ESRRG: variants seen among roughly 807,000 people sequenced by gnomAD.
ESRRG encodes estrogen-related receptor gamma.
A neutral mutation model predicts 44.0 loss-of-function variants in ESRRG; 13 were observed. The observed-to-expected ratio is 0.30, with a 90% CI of 0.19 to 0.47. ESRRG has a LOEUF of 0.47. Ranked by LOEUF, ESRRG falls within the 20% of genes least tolerant of loss-of-function variation. ESRRG has a pLI of 1.00. For missense variants in ESRRG, 395 were observed against 580.6 expected (o/e 0.68, Z 3.29); for synonymous variants, 215 against 214.6 (o/e 1.00, Z -0.02).
chr1:217,053,133 T>C (rs1271547811), intron 1 of ESRRG, among the ~76,000 whole-genome samples: 1 of 119,054 alleles, frequency 8.4e-6, no homozygotes, highest in Non-Finnish European at 1.7e-5. Flanking sequence ...AATCCCATCT[T>C]AAAAAAAAAA....
intron 1 of ESRRG, chr1:216,701,460 T>C (rs2081376713): frequency 1.3e-5 from 2 of 152,232 alleles, no homozygotes; most frequent in Admixed American, 1.3e-4. Context: ...CTGCTCCTTC[T>C]GTTTGCATTC....
At chr1:217,015,984 G>C (rs922427548) in intron 1 of ESRRG, among the ~76,000 whole-genome samples, 1 of 152,070 alleles carries the variant, frequency 6.6e-6, no homozygotes, top group Non-Finnish European at 1.5e-5. Flanking sequence ...AGGGCGGCTA[G>C]ATTTAAAGTG....
At chr1:216,789,450 C>T (rs775341888) in intron 2 of ESRRG, among the ~76,000 whole-genome samples, 36 of 152,076 alleles carry the variant, frequency 2.4e-4, no homozygotes, top group Non-Finnish European at 5.9e-5. Context: ...GGCATTAATG[C>T]TATTGCAGCA....
chr1:216,677,176 G>A lies in ESRRG; in HGVS notation c.372C>T (p.Pro124=), dbSNP rs757144726. The change falls in exon 2 of 7, where the codon CCC becomes CCT. Residue 124 remains proline (P), a synonymous_variant. Coordinates refer to ENST00000408911, the MANE Select transcript of ESRRG (RefSeq NM_001438.4). The part of the protein sequence containing the change: ...TKCEYMLNSM[P]KRLCLVCGDI... ...CACCACACACTAAACACAGTCTCTT[G>A]GGCATCGAGTTGAGCATGTATTCAC... 6.8e-6 allele frequency: 11 copies of A among 1,614,064 alleles called. No individual in the cohort carries two copies. Among genetic ancestry groups the A allele is most frequent in the Admixed American group, 1.7e-5 (1 of 60,022 alleles).
chr1:216,519,826 AAAG>A (rs749222424), intron 5 of ESRRG, among the ~76,000 whole-genome samples: 5 of 151,218 alleles, frequency 3.3e-5, no homozygotes, highest in Admixed American at 6.6e-5. Flanking sequence ...AAAAAAAAAA[AAAG>A]AAGAAGAAGG....
At chr1:216,578,131 TC>T (rs2062030084) in intron 3 of ESRRG, among the ~76,000 whole-genome samples, 1 of 152,114 alleles carries the variant, frequency 6.6e-6, no homozygotes, top group Non-Finnish European at 1.5e-5. Context: ...TGGTATATGT[TC>T]CCAGGTCATG....
intron 5 of ESRRG, among the ~76,000 whole-genome samples, chr1:216,563,685 C>G (rs2059181784): frequency 6.6e-6 from 1 of 151,910 alleles, no homozygotes; most frequent in African/African-American, 2.4e-5. Flanking sequence ...TTTAAATTAC[C>G]ATATAGGAAA....
chr1:216,658,167 C>T (rs1485782379), intron 2 of ESRRG, among the ~76,000 whole-genome samples: 1 of 152,162 alleles, frequency 6.6e-6, no homozygotes, highest in Non-Finnish European at 1.5e-5. Flanking sequence ...TGTGCCAGTA[C>T]TGGCCACCTC....
At position 217,104,634 on chromosome 1, in the gene ESRRG, C is replaced by G. The variant is rs114538853; in HGVS notation, c.-230+33033G>C. 6.6e-3 allele frequency among the ~76,000 whole-genome samples: 998 copies of G among 152,070 alleles called. 8 individuals are homozygous for G. The highest frequency in any genetic ancestry group is 0.023 in the African/African-American group (943 of 41,460). On this transcript the variant is annotated intron_variant, in intron 1 of 8. Coordinates refer to the ESRRG transcript ENST00000366940. Reference sequence around the variant, plus strand: ...ATCCTCATCTTATCAGTTGACTGGTCCCCAAGCAAGGTCTTGAAGTCACAG... The same window carrying G: ...ATCCTCATCTTATCAGTTGACTGGTGCCCAAGCAAGGTCTTGAAGTCACAG...
Position 217,003,883 on chromosome 1 carries a change from A to T in ESRRG, c.-105-64210T>A, listed in dbSNP as rs1302306631. Among the ~76,000 whole-genome samples the T allele has an allele frequency of 2.7e-5, 4 of 148,542 alleles. 1 individual carries two copies. Among genetic ancestry groups the T allele is most frequent in the Admixed American group, 6.8e-5 (1 of 14,800 alleles). On this transcript the variant is annotated intron_variant, in intron 1 of 7. Transcript: ENST00000359162. ...ACATACATGGATGGACCAAAAAAAT[A>T]AAAAAAAAAGAAGTCATCATTAATT...
intron 1 of ESRRG, among the ~76,000 whole-genome samples, chr1:217,085,465 TTTTTC>T (rs1441400861): frequency 8.0e-5 from 12 of 149,750 alleles, no homozygotes; most frequent in Admixed American, 4.7e-4. Context: ...TTTTTCTTTC[TTTTTC>T]TTTTCTTTTC....
chr1:216,936,987 C>T (rs1005866308), intron 2 of ESRRG, among the ~76,000 whole-genome samples: 4 of 151,566 alleles, frequency 2.6e-5, no homozygotes, highest in African/African-American at 9.8e-5. Flanking sequence ...CCTGAAACAT[C>T]CCCCCTGCAG....
intron 1 of ESRRG, among the ~76,000 whole-genome samples, chr1:216,984,269 C>A (rs2150423396): frequency 6.6e-6 from 1 of 152,218 alleles, no homozygotes; most frequent in South Asian, 2.1e-4. Flanking sequence ...TCCTCGTGAT[C>A]ATTTTAAGAT....
chr1:216,514,988 C>T (rs894176896), intron 6 of ESRRG, among the ~76,000 whole-genome samples: 1 of 137,572 alleles, frequency 7.3e-6, no homozygotes, highest in African/African-American at 2.6e-5. Context: ...ACACACACAA[C>T]ACACACTTAC....
intron 1 of ESRRG, among the ~76,000 whole-genome samples, chr1:217,057,037 A>G (rs2087258662): frequency 6.6e-6 from 1 of 152,076 alleles, no homozygotes; most frequent in Non-Finnish European, 1.5e-5. Flanking sequence ...ACTGAGGGAG[A>G]TGGAGCAGTT....
chr1:216,838,657 T>C (rs950496219), intron 2 of ESRRG, among the ~76,000 whole-genome samples: 1 of 152,196 alleles, frequency 6.6e-6, no homozygotes, highest in Non-Finnish European at 1.5e-5. Flanking sequence ...TACACAGGCA[T>C]ACCTCAGAGA....
At chr1:216,744,355 G>C (rs2091126356) in intron 2 of ESRRG, among the ~76,000 whole-genome samples, 1 of 152,096 alleles carries the variant, frequency 6.6e-6, no homozygotes, top group South Asian at 2.1e-4. Context: ...AGAAATGCAA[G>C]CCCATATTCT....
At chr1:216,838,666 G>A (rs2095605426) in intron 2 of ESRRG, among the ~76,000 whole-genome samples, 1 of 152,132 alleles carries the variant, frequency 6.6e-6, no homozygotes, top group Admixed American at 6.5e-5. Flanking sequence ...ATACCTCAGA[G>A]AAAATGTGGG....
At chr1:216,597,268 C>T (rs1340284702) in intron 3 of ESRRG, among the ~76,000 whole-genome samples, 2 of 152,036 alleles carry the variant, frequency 1.3e-5, no homozygotes, top group Non-Finnish European at 2.9e-5. Flanking sequence ...CAGGCCGGTA[C>T]ACAGGAAAAT....
Sources: allele counts gnomAD v4.1 joint callset (sites outside exome capture counted in the v4.1 genomes callset), GRCh38; gene constraint gnomAD v4.1.1; transcripts MANE v1.5; gene names NCBI Gene and HGNC (gene_info 2026-07-23, HGNC 2026-07-21).